The following DENND2B variants were observed in gnomAD, a reference collection of about 807,000 sequenced individuals.
DENND2B encodes DENN domain containing 2B, also known as DENN domain-containing protein 2B.
In DENND2B, 32 loss-of-function variants were observed where a neutral mutation model predicts 116.0. That is an observed-to-expected ratio of 0.28 (90% CI 0.21 to 0.37). The LOEUF is 0.37. Ranked by LOEUF, DENND2B falls within the 10% of genes least tolerant of loss-of-function variation. The pLI is 1.00. For missense variants in DENND2B, 1,276 were observed against 1,477.7 expected, an observed-to-expected ratio of 0.86 and a Z score of 2.24; for synonymous variants, 588 against 583.9, an observed-to-expected ratio of 1.01 and a Z score of -0.10.
intron 1 of DENND2B, among the ~76,000 whole-genome samples, chr11:8,903,900 A>G (rs1376974296): frequency 6.6e-6 from 1 of 151,384 alleles, no homozygotes. Context: ...AAAAAAAAAA[A>G]AAAAAAAAAA....
At chr11:8,776,833 C>T (rs2057789684) in intron 1 of DENND2B, among the ~76,000 whole-genome samples, 1 of 152,178 alleles carries the variant, frequency 6.6e-6, no homozygotes, top group East Asian at 1.9e-4. Context: ...AGCCTCACAT[C>T]CCTGCCCTAA....
chr11:8,762,775 G>A (rs540212098), intron 1 of DENND2B, among the ~76,000 whole-genome samples: 1 of 152,304 alleles, frequency 6.6e-6, no homozygotes, highest in African/African-American at 2.4e-5. Context: ...CAGGAGAATC[G>A]CTTGAACCCG....
chr11:8,736,650 C>A lies in DENND2B; in HGVS notation c.81-5441G>T, dbSNP rs144351942. Among the ~76,000 whole-genome samples the A allele has an allele frequency of 1.8e-4, 27 of 152,246 alleles. No individual in the cohort carries two copies. The East Asian group carries it at 5.0e-3, about 28-fold the overall frequency. Reference sequence around the variant, plus strand: ...CAAAGGAAGTGAGCAATGTGTCTATCCAGGGGAGGAATGTTCCAGACAGAA... The same window carrying A: ...CAAAGGAAGTGAGCAATGTGTCTATACAGGGGAGGAATGTTCCAGACAGAA... On this transcript the variant is annotated intron_variant, in intron 2 of 19. Transcript: ENST00000313726.
chr11:8,905,469 A>C (rs2064223964), intron 1 of DENND2B, among the ~76,000 whole-genome samples: 1 of 152,328 alleles, frequency 6.6e-6, no homozygotes, highest in Admixed American at 6.5e-5. Context: ...TCTTCAAAAA[A>C]AATTTTCATG....
chr11:8,887,531 T>A (rs937900737), intron 1 of DENND2B, among the ~76,000 whole-genome samples: 1 of 152,252 alleles, frequency 6.6e-6, no homozygotes. Flanking sequence ...TAACTGATAA[T>A]ATCTACTGTC....
In DENND2B at chr11:8,702,473, T is replaced by A; in HGVS notation, c.2720+99A>T. ...CCTACGCACAGCCCCACTCCAGCAC[T>A]GGTCTCCGGCGCCTGCTTAGGCTCC... On this transcript the variant is annotated intron_variant, in intron 14 of 19. Coordinates refer to ENST00000313726, the MANE Select transcript of DENND2B (RefSeq NM_213618.2). This position sits in a 1 kb window ranked among gnomAD's most constrained non-coding sequence, Gnocchi z 4.6. 6.5e-7 allele frequency: 1 copy of A among 1,542,240 alleles called. No individual in the cohort carries two copies. The highest frequency in any genetic ancestry group is 8.8e-7 in the Non-Finnish European group (1 of 1,141,260).
chr11:8,760,723 T>C (rs59619952), intron 1 of DENND2B, among the ~76,000 whole-genome samples: 1,616 of 152,330 alleles, frequency 0.011, 43 homozygotes, highest in African/African-American at 0.038. Context: ...ACTACTTCTA[T>C]ACACATTGTA....
rs1264561846 is a variant in DENND2B at position 8,706,972 on chromosome 11, T to C, written c.2571+113A>G. On this transcript the variant is annotated intron_variant, in intron 13 of 19. Coordinates refer to ENST00000313726, the MANE Select transcript of DENND2B (RefSeq NM_213618.2). ...CTAGTGATGGGGTACACAGACATGG[T>C]TGAGCAAGGAGGGACCGTGCTCTGC... 5 of 1,350,792 alleles carry C rather than the reference T, an allele frequency of 3.7e-6. No individual in the cohort carries two copies. The East Asian group carries it at 9.6e-5, about 26-fold the overall frequency. The allele number at this position is 1,350,792 out of a possible 1,614,324, so 83.7% of individuals were successfully genotyped here. A position where few individuals can be genotyped will look rare whatever the true frequency, so the allele number is the denominator to read the frequency against.
chr11:8,804,457 T>C (rs985716541), intron 1 of DENND2B, among the ~76,000 whole-genome samples: 4 of 151,820 alleles, frequency 2.6e-5, no homozygotes, highest in Non-Finnish European at 5.9e-5. Flanking sequence ...AAATCTTGTA[T>C]TATTACACAC....
At chr11:8,811,070 G>A (rs182020170), upstream of DENND2B, 119 of 386,408 alleles carry the variant, frequency 3.1e-4, no homozygotes, top group Middle Eastern at 3.2e-3. Context: ...AGGGGGGAGG[G>A]AGCTAGCTGA....
intron 2 of DENND2B, among the ~76,000 whole-genome samples, chr11:8,870,550 G>A (rs2134708080): frequency 1.3e-5 from 2 of 151,942 alleles, no homozygotes; most frequent in South Asian, 2.1e-4. Context: ...CGTTCTTCAA[G>A]GAGCCTGCAT....
At chr11:8,896,292 T>A (rs1379912935) in intron 1 of DENND2B, among the ~76,000 whole-genome samples, 1 of 152,068 alleles carries the variant, frequency 6.6e-6, no homozygotes, top group African/African-American at 2.4e-5. Flanking sequence ...AAGGAATAAA[T>A]ATAAGCTTTA....
chr11:8,896,809 G>A (rs906200743), intron 1 of DENND2B, among the ~76,000 whole-genome samples: 2 of 152,218 alleles, frequency 1.3e-5, no homozygotes, highest in Non-Finnish European at 2.9e-5. Flanking sequence ...GCTAAGATAC[G>A]ATGTTTTCAG....
At chr11:8,871,791 G>A (rs1418552990), upstream of DENND2B, among the ~76,000 whole-genome samples, 3 of 152,086 alleles carry the variant, frequency 2.0e-5, no homozygotes, top group East Asian at 5.8e-4. Context: ...ATAAAGCAAT[G>A]GAATAACAGC....
intron 13 of DENND2B, among the ~76,000 whole-genome samples, chr11:8,705,725 G>C (rs2042483650): frequency 6.6e-6 from 1 of 152,166 alleles, no homozygotes; most frequent in African/African-American, 2.4e-5. Context: ...CCAGAAAACT[G>C]GGAGTCAGCC....
At chr11:8,734,055 A>G (rs1023444313) in intron 2 of DENND2B, among the ~76,000 whole-genome samples, 10 of 152,310 alleles carry the variant, frequency 6.6e-5, no homozygotes, top group South Asian at 2.1e-4. Flanking sequence ...CTGAAGCCCC[A>G]TATCACAGAG....
intron 1 of DENND2B, among the ~76,000 whole-genome samples, chr11:8,904,334 T>C (rs2064208731): frequency 6.6e-6 from 1 of 152,188 alleles, no homozygotes; most frequent in Non-Finnish European, 1.5e-5. Flanking sequence ...AAATCATTCA[T>C]GATAAAAACT....
chr11:8,799,490 G>A (rs191671027), intron 1 of DENND2B, among the ~76,000 whole-genome samples: 292 of 151,400 alleles, frequency 1.9e-3, no homozygotes, highest in Non-Finnish European at 3.4e-3. Context: ...CAAGGTCACT[G>A]CCATTGCCAA....
chr11:8,757,102 A>G, intron 1 of DENND2B: 1 of 456,214 alleles, frequency 2.2e-6, no homozygotes, highest in Non-Finnish European at 4.4e-6. Context: ...GCAGGCCCCG[A>G]GGGGCAGTGG....
Sources: gnomAD v4.1 joint callset for allele counts (sites outside exome capture counted in the v4.1 genomes callset) on GRCh38, gnomAD v4.1.1 for gene constraint, Gnocchi (gnomAD v3.1) non-coding constraint, MANE v1.5 for transcripts, NCBI Gene and HGNC (gene_info 2026-07-23, HGNC 2026-07-21) for gene names.